Variants in EYS observed in about 807,000 individuals in gnomAD.
EYS encodes the protein protein eyes shut homolog.
Under a neutral mutation model 282.1 loss-of-function variants are expected in EYS, and 250 were observed. The observed-to-expected ratio is 0.89, with a 90% CI of 0.80 to 0.98. The LOEUF is 0.98. Ranked by LOEUF, EYS falls within the 50% of genes least tolerant of loss-of-function variation. EYS has a pLI of 0.00. For missense variants in EYS, 4,016 were observed against 3,709.0 expected (o/e 1.08, Z -2.15); for synonymous variants, 1,355 against 1,282.9 (o/e 1.06, Z -1.20).
At chr6:65,075,368 A>G (rs972110997) in intron 12 of EYS, among the ~76,000 whole-genome samples, 3 of 152,070 alleles carry the variant, frequency 2.0e-5, no homozygotes, top group African/African-American at 7.2e-5. Flanking sequence ...AAAGTATTAA[A>G]TATTTTCTAA....
Position 64,649,178 on chromosome 6 carries a change from GAAAA to G in EYS, c.3444-22937_3444-22934del, listed in dbSNP as rs1768462795. On this transcript the variant is annotated intron_variant, in intron 22 of 42. Coordinates refer to ENST00000503581, the MANE Select transcript of EYS (RefSeq NM_001142800.2). ...GTTTGAAATTATAACAAAATTTAAT[GAAAA>G]AAGACACTTTACCATCATAAAACTT... Among the ~76,000 whole-genome samples the G allele has an allele frequency of 2.0e-5, 3 of 152,078 alleles. No individual in the cohort carries two copies. In the South Asian group the frequency reaches 6.2e-4, roughly 32 times the overall value.
chr6:64,457,411 C>G (rs568655101), intron 26 of EYS, among the ~76,000 whole-genome samples: 47 of 152,042 alleles, frequency 3.1e-4, no homozygotes, highest in Admixed American at 2.6e-3. Flanking sequence ...GTTTCATGAT[C>G]ATTTTCTGAT....
rs1764412673 is a variant in EYS, at chr6:64,169,492, T to A, written c.6424+61100A>T. Among the ~76,000 whole-genome samples, 4 of 148,382 alleles carry A rather than the reference T, an allele frequency of 2.7e-5. 1 individual carries two copies. The South Asian group carries it at 8.6e-4, about 32-fold the overall frequency. ...AAACTATACTCAAGATATAAAGAAA[T>A]CATGAAGATATAGCAAGCTGGGGCT... is the stretch of plus-strand genomic sequence containing the variant. On this transcript the variant is annotated intron_variant, in intron 31 of 42. Coordinates refer to ENST00000503581, the MANE Select transcript of EYS (RefSeq NM_001142800.2).
intron 22 of EYS, 99 bp from the exon 23 acceptor site, chr6:64,626,344 C>A: frequency 7.1e-7 from 1 of 1,407,224 alleles, no homozygotes; most frequent in South Asian, 1.6e-5. Flanking sequence ...GTTTTCAGAG[C>A]TCCAACAACA....
At chr6:64,380,833 T>C (rs1240362681) in intron 29 of EYS, among the ~76,000 whole-genome samples, 2 of 151,990 alleles carry the variant, frequency 1.3e-5, no homozygotes, top group African/African-American at 2.4e-5. Flanking sequence ...CTTGCAAATA[T>C]GGCGAAACCC....
intron 7 of EYS, among the ~76,000 whole-genome samples, chr6:65,397,586 GTGT>G (rs1766332971): frequency 4.3e-3 from 2 of 468 alleles, no homozygotes; most frequent in African/African-American, 0.012. Flanking sequence ...ATTTCATGGT[GTGT>G]GTGTGTGTGT....
chr6:64,532,555 A>G (rs1764383666), intron 26 of EYS, among the ~76,000 whole-genome samples: 1 of 151,872 alleles, frequency 6.6e-6, no homozygotes, highest in Non-Finnish European at 1.5e-5. Context: ...TAAAAATACA[A>G]AAAATTAGCT....
At chr6:64,720,746 T>A (rs139643715) in intron 22 of EYS, among the ~76,000 whole-genome samples, 142 of 152,302 alleles carry the variant, frequency 9.3e-4, no homozygotes, top group African/African-American at 3.2e-3. Flanking sequence ...ATTCCAGTTG[T>A]TCTACAAACA....
intron 31 of EYS, among the ~76,000 whole-genome samples, chr6:64,144,078 T>G (rs1263452229): frequency 2.0e-5 from 3 of 152,208 alleles, no homozygotes; most frequent in Non-Finnish European, 4.4e-5. Flanking sequence ...TTCCCAGGCA[T>G]GTACAACAAC....
At chr6:64,606,186 T>A (rs534701223) in intron 24 of EYS, among the ~76,000 whole-genome samples, 1 of 152,132 alleles carries the variant, frequency 6.6e-6, no homozygotes, top group African/African-American at 2.4e-5. Context: ...TATTAAGTGC[T>A]AAAATATGTG....
intron 30 of EYS, among the ~76,000 whole-genome samples, chr6:64,294,455 A>C (rs1267238017): frequency 6.6e-6 from 1 of 152,240 alleles, no homozygotes; most frequent in Non-Finnish European, 1.5e-5. Flanking sequence ...TAGCTTCTCA[A>C]TAACAGAACC....
intron 26 of EYS, among the ~76,000 whole-genome samples, chr6:64,449,760 T>C (rs1388592352): frequency 3.9e-5 from 6 of 152,056 alleles, no homozygotes; most frequent in African/African-American, 1.4e-4. Flanking sequence ...CAAACTAAGC[T>C]TCATAAGTGA....
At chr6:64,571,409 C>T (rs1402846981) in intron 26 of EYS, among the ~76,000 whole-genome samples, 3 of 151,974 alleles carry the variant, frequency 2.0e-5, no homozygotes, top group Non-Finnish European at 4.4e-5. Context: ...CAGCAGAAGA[C>T]AAGAAATAAC....
intron 31 of EYS, among the ~76,000 whole-genome samples, chr6:64,092,176 A>G (rs1772389112): frequency 6.6e-6 from 1 of 152,242 alleles, no homozygotes; most frequent in South Asian, 2.1e-4. Flanking sequence ...GTTGGTTCCA[A>G]GTCTTTGCTA....
In EYS at chr6:65,089,347, G is replaced by A. The variant is rs955326721; in HGVS notation, c.2024-31620C>T. 2.2e-4 allele frequency among the ~76,000 whole-genome samples: 34 copies of A among 152,300 alleles called. 2 individuals carry two copies. Among genetic ancestry groups the A allele is most frequent in the Middle Eastern group, 3.4e-3 (1 of 294 alleles). ...AGCCACAGAAGTGGAGCTGCCCAAG[G>A]CTGTGGGAGCCCACCTCTTGCATCA... On this transcript the variant is annotated intron_variant, in intron 12 of 42. Transcript: ENST00000503581.
chr6:64,254,398 T>C (rs916375577), intron 30 of EYS, among the ~76,000 whole-genome samples: 1 of 152,146 alleles, frequency 6.6e-6, no homozygotes, highest in African/African-American at 2.4e-5. Flanking sequence ...TGCTCCTGCA[T>C]GAAATATGCC....
intron 19 of EYS, among the ~76,000 whole-genome samples, chr6:64,856,158 T>A (rs1020726528): frequency 2.6e-5 from 4 of 152,122 alleles, no homozygotes; most frequent in African/African-American, 9.7e-5. Context: ...TATGGTAAAA[T>A]TATGTAGAGC....
At chr6:65,442,722 C>A (rs1768385334) in intron 5 of EYS, among the ~76,000 whole-genome samples, 1 of 150,572 alleles carries the variant, frequency 6.6e-6, no homozygotes, top group Admixed American at 6.7e-5. Context: ...CCACTGCACT[C>A]CAGGCTGGGT....
At position 65,219,669 on chromosome 6, in the gene EYS, T is replaced by C. The variant is rs372407309; in HGVS notation, c.2023+76194A>G. 9.2e-5 allele frequency among the ~76,000 whole-genome samples: 14 copies of C among 152,252 alleles called. No individual in the cohort carries two copies. In the East Asian group the frequency reaches 9.7e-4, roughly 11 times the overall value. On this transcript the variant is annotated intron_variant, in intron 12 of 42. Coordinates refer to ENST00000503581, the MANE Select transcript of EYS (RefSeq NM_001142800.2). ...CAGAAGTCAAAAACAATAATTGTAT[T>C]AGTCTGCTCTCATGCTGCTGATAAA... is the stretch of plus-strand genomic sequence containing the variant.
Sources: gnomAD v4.1 joint callset for allele counts (sites outside exome capture counted in the v4.1 genomes callset) on GRCh38, gnomAD v4.1.1 for gene constraint, MANE v1.5 for transcripts, NCBI Gene and HGNC (gene_info 2026-07-23, HGNC 2026-07-21) for gene names.